HMBOX1: variants seen among roughly 807,000 people sequenced by gnomAD.
The protein encoded by HMBOX1 is homeobox-containing protein 1.
Under a neutral mutation model 54.5 loss-of-function variants are expected in HMBOX1, and 14 were observed. The observed-to-expected ratio is 0.26, with a 90% CI of 0.17 to 0.40. The LOEUF is 0.40. Ranked by LOEUF, HMBOX1 falls within the 10% of genes least tolerant of loss-of-function variation. The pLI is 1.00. For synonymous variants in HMBOX1, 160 were observed against 181.0 expected (o/e 0.88, Z 0.93); for missense variants, 332 against 514.4 (o/e 0.65, Z 3.43).
intron 9 of HMBOX1, 171 bp downstream of exon 9, chr8:29,049,219 A>C: frequency 6.6e-7 from 1 of 1,506,814 alleles, no homozygotes; most frequent in Non-Finnish European, 8.9e-7. Flanking sequence ...GGAATGTGGT[A>C]AGATTCAGTT....
At chr8:28,935,958 G>C (rs1054279179) in intron 1 of HMBOX1, among the ~76,000 whole-genome samples, 2 of 151,788 alleles carry the variant, frequency 1.3e-5, no homozygotes, top group African/African-American at 4.8e-5. Context: ...TAATACTGAT[G>C]CCTACTCTCT....
At chr8:29,026,733 A>T (rs556964376) in intron 6 of HMBOX1, among the ~76,000 whole-genome samples, 12 of 152,304 alleles carry the variant, frequency 7.9e-5, no homozygotes, top group Admixed American at 7.2e-4. Context: ...AGCCAGTGCT[A>T]TTCACAGATT....
At chr8:28,990,758 A>ATTTT (rs1830866615) in intron 4 of HMBOX1, among the ~76,000 whole-genome samples, 2 of 151,854 alleles carry the variant, frequency 1.3e-5, no homozygotes, top group South Asian at 4.2e-4. Flanking sequence ...GGTTCAAGCG[A>ATTTT]TTCTCCTATC....
chr8:28,951,220 C>T (rs2132123949), intron 1 of HMBOX1, among the ~76,000 whole-genome samples: 1 of 152,326 alleles, frequency 6.6e-6, no homozygotes, highest in East Asian at 1.9e-4. Flanking sequence ...GCACCCTCCA[C>T]CTCCTGGGTT....
chr8:29,012,408 T>A (rs934821779), intron 5 of HMBOX1, among the ~76,000 whole-genome samples: 1 of 152,152 alleles, frequency 6.6e-6, no homozygotes, highest in African/African-American at 2.4e-5. Flanking sequence ...ATCTGTACAA[T>A]GGAATCTTAT....
rs1800755803 is a variant in HMBOX1, at chr8:29,018,973, A to G, written c.851+60A>G. ...AACTTAGGGAAGACATCAACTCTGG[A>G]TAGACTGGGACAGTTTTCATTTCAA... On this transcript the variant is annotated intron_variant, in intron 6 of 9. Coordinates refer to ENST00000287701, the MANE Select transcript of HMBOX1 (RefSeq NM_001135726.3). 9 of 1,505,598 alleles carry G rather than the reference A, an allele frequency of 6.0e-6. No individual in the cohort carries two copies. In the South Asian group the frequency reaches 8.0e-5, roughly 13 times the overall value. The allele number at this position is 1,505,598 out of a possible 1,614,324, so 93.3% of individuals were successfully genotyped here.
chr8:29,040,252 C>T (rs1199141280), intron 6 of HMBOX1, among the ~76,000 whole-genome samples: 1 of 152,102 alleles, frequency 6.6e-6, no homozygotes, highest in Non-Finnish European at 1.5e-5. Context: ...ATAATCAAGG[C>T]CCATATTTTG....
At chr8:28,942,752 A>G (rs1027764231) in intron 1 of HMBOX1, among the ~76,000 whole-genome samples, 11 of 152,110 alleles carry the variant, frequency 7.2e-5, no homozygotes, top group Admixed American at 5.9e-4. Context: ...TTATTTATGT[A>G]GTCTCCTAAT....
chr8:28,903,446 C>G (rs10216381), intron 1 of HMBOX1, among the ~76,000 whole-genome samples: 5 of 152,210 alleles, frequency 3.3e-5, no homozygotes, highest in African/African-American at 4.8e-5. Context: ...GCTTTCTCCT[C>G]GTGCCACTAT....
At chr8:28,980,588 A>G (rs1191885765) in intron 4 of HMBOX1, among the ~76,000 whole-genome samples, 2 of 152,188 alleles carry the variant, frequency 1.3e-5, no homozygotes, top group Non-Finnish European at 2.9e-5. Flanking sequence ...TTCCATATGT[A>G]AAAGCATTCC....
chr8:28,952,171 A>G (rs559856009), intron 1 of HMBOX1, among the ~76,000 whole-genome samples: 7 of 151,408 alleles, frequency 4.6e-5, no homozygotes, highest in East Asian at 1.9e-4. Flanking sequence ...AAAAAAAAAA[A>G]AAAAGAAAAA....
At chr8:28,925,526 A>G (rs776100254) in intron 1 of HMBOX1, among the ~76,000 whole-genome samples, 65 of 152,206 alleles carry the variant, frequency 4.3e-4, no homozygotes, top group Non-Finnish European at 4.1e-4. Context: ...TTGAAAGCAC[A>G]TAGAGTTCTA....
intron 1 of HMBOX1, among the ~76,000 whole-genome samples, chr8:28,908,783 A>G (rs1814839793): frequency 6.6e-6 from 1 of 152,074 alleles, no homozygotes. Flanking sequence ...AACCTGGGTT[A>G]TATAGAAGGA....
intron 1 of HMBOX1, among the ~76,000 whole-genome samples, chr8:28,922,106 A>G (rs1399685431): frequency 6.6e-6 from 1 of 152,212 alleles, no homozygotes; most frequent in Non-Finnish European, 1.5e-5. Context: ...TTATGCAGCT[A>G]TGGATCAAAA....
At chr8:28,965,483 A>G (rs1826279269) in intron 2 of HMBOX1, among the ~76,000 whole-genome samples, 1 of 152,214 alleles carries the variant, frequency 6.6e-6, no homozygotes, top group African/African-American at 2.4e-5. Flanking sequence ...CACATTATGA[A>G]TGTGTTCCAA....
At chr8:28,927,863 G>C (rs1277983101) in intron 1 of HMBOX1, among the ~76,000 whole-genome samples, 1 of 145,386 alleles carries the variant, frequency 6.9e-6, no homozygotes, top group Non-Finnish European at 1.5e-5. Flanking sequence ...AAAGCCAGGC[G>C]TGGTGGCTCA....
At position 29,009,119 on chromosome 8, in the gene HMBOX1, G is replaced by A. The variant is rs528612071; in HGVS notation, c.634G>A (p.Asp212Asn). ...TCATTGGCTGTTGCAGCAGGGATCAGACCTGAGTGAACAGAAGAAAAGAGC... is the reference window on the plus strand; with the variant it reads ...TCATTGGCTGTTGCAGCAGGGATCAAACCTGAGTGAACAGAAGAAAAGAGC... Reference protein sequence around the residue: ...ISHWLLQQGSDLSEQKKRAFY... With the variant: ...ISHWLLQQGSNLSEQKKRAFY... Residue 212 changes from aspartate to asparagine, a missense_variant, in exon 5 of 10, where the codon GAC (aspartate) becomes AAC (asparagine). Physicochemically the swap from Asp to Asn is conservative, Grantham distance 23. Coordinates refer to ENST00000287701, the MANE Select transcript of HMBOX1 (RefSeq NM_001135726.3). 1 of 1,613,716 alleles carries A rather than the reference G, an allele frequency of 6.2e-7. No homozygotes were observed. Among genetic ancestry groups the A allele is most frequent in the African/African-American group, 1.3e-5 (1 of 75,040 alleles).
chr8:28,906,376 A>G (rs1161120458), intron 1 of HMBOX1, among the ~76,000 whole-genome samples: 2 of 152,340 alleles, frequency 1.3e-5, no homozygotes, highest in South Asian at 2.1e-4. Context: ...AGATTTTTAA[A>G]TATAATAATT....
At chr8:29,007,303 G>GA (rs575999369) in intron 4 of HMBOX1, among the ~76,000 whole-genome samples, 26 of 145,782 alleles carry the variant, frequency 1.8e-4, no homozygotes, top group Non-Finnish European at 2.7e-4. Flanking sequence ...AAAATACAAA[G>GA]AAAAAAAAAA....
Sources: gnomAD v4.1 joint callset for allele counts (sites outside exome capture counted in the v4.1 genomes callset) on GRCh38, gnomAD v4.1.1 for gene constraint, MANE v1.5 for transcripts, NCBI Gene and HGNC (gene_info 2026-07-23, HGNC 2026-07-21) for gene names.